UEVLD: variants seen among roughly 807,000 people sequenced by gnomAD.
The protein encoded by UEVLD is UEV and lactate/malate dehyrogenase domains.
UEVLD carries 47 observed loss-of-function variants against 58.6 expected under a neutral mutation model. The ratio of observed to expected loss-of-function variants is 0.80; its 90% CI spans 0.63 to 1.02. The LOEUF (loss-of-function observed/expected upper bound fraction) is 1.02. Among genes scored for constraint, UEVLD ranks in the 50% least tolerant of loss-of-function variants. The pLI, the probability that UEVLD is intolerant of heterozygous loss-of-function variation, is 0.00. For synonymous variants in UEVLD, 197 were observed against 195.3 expected (o/e 1.01, Z -0.07); for missense variants, 510 against 550.6 (o/e 0.93, Z 0.74).
At position 18,560,136 on chromosome 11, in the gene UEVLD, CACAGAG is replaced by C. The variant is rs1259571813; in HGVS notation, c.613-1812_613-1807del. On this transcript the variant is annotated intron_variant, in intron 6 of 11. Coordinates refer to ENST00000396197, the MANE Select transcript of UEVLD (RefSeq NM_001040697.4). Reference sequence around the variant, plus strand: ...ACACACACACACACACACACACACACACAGAGAGAGAAAGAAAATAACCCTGCTACA... The same window carrying C: ...ACACACACACACACACACACACACACAGAGAAAGAAAATAACCCTGCTACA... 1.9e-3 allele frequency among the ~76,000 whole-genome samples: 154 copies of C among 79,450 alleles called. 3 individuals carry two copies. Among genetic ancestry groups the C allele is most frequent in the Admixed American group, 9.8e-3 (67 of 6,852 alleles). 52.1% of individuals were successfully genotyped at this position (79,450 alleles called of 152,430 possible).
Position 18,558,331 on chromosome 11 carries a change from C to G in UEVLD, c.613-1G>C. 1.3e-6 allele frequency: 2 copies of G among 1,595,530 alleles called. No homozygotes were observed. Among genetic ancestry groups the G allele is most frequent in the Non-Finnish European group, 1.7e-6 (2 of 1,169,414 alleles). On this transcript the variant is annotated splice_acceptor_variant, in intron 6 of 11. Transcript: ENST00000396197. LOFTEE classifies it high-confidence loss of function. Reference sequence around the variant, plus strand: ...AGAGGACAAGCCTGTCTGCAATACCCTGTACAGTAAGAGAAAGAACATTAC... The same window carrying G: ...AGAGGACAAGCCTGTCTGCAATACCGTGTACAGTAAGAGAAAGAACATTAC...
At chr11:18,573,425 C>T (rs372507991) in intron 3 of UEVLD, among the ~76,000 whole-genome samples, 2 of 152,110 alleles carry the variant, frequency 1.3e-5, no homozygotes, top group African/African-American at 4.8e-5. Context: ...TTCTTTTCAA[C>T]GTCTAACCAA....
chr11:18,547,115 T>A, intron 7 of UEVLD, 65 bp from the exon 8 acceptor site: 1 of 1,516,642 alleles, frequency 6.6e-7, no homozygotes, highest in Non-Finnish European at 8.9e-7. Flanking sequence ...TAGTTCACGA[T>A]TAAAAGGTTG....
At chr11:18,553,108 T>C (rs990342155) in intron 7 of UEVLD, among the ~76,000 whole-genome samples, 1 of 137,922 alleles carries the variant, frequency 7.3e-6, no homozygotes, top group African/African-American at 2.8e-5. Context: ...TGAGTCGAGA[T>C]AGCGCCATTG....
In UEVLD at chr11:18,564,917, G is replaced by A; in HGVS notation, c.587C>T (p.Ala196Val). ...TVVGGGELGIACTLAISAKGI... is the reference protein window; with the variant it reads ...TVVGGGELGIVCTLAISAKGI... ...CTTTGCTGAAATTGCTAATGTGCAGGCAATACCGAGTTCTCCACCTCCAAC... is the reference window on the plus strand; with the variant it reads ...CTTTGCTGAAATTGCTAATGTGCAGACAATACCGAGTTCTCCACCTCCAAC... The change falls in exon 6 of 12, where the codon GCC becomes GTC. Residue 196 changes from alanine to valine, a missense_variant. Coordinates refer to ENST00000396197, the MANE Select transcript of UEVLD (RefSeq NM_001040697.4). The A allele has an allele frequency of 1.9e-6, 3 of 1,611,812 alleles. No homozygotes were observed. Among genetic ancestry groups the A allele is most frequent in the Non-Finnish European group, 2.5e-6 (3 of 1,178,718 alleles).
At chr11:18,570,754 A>G (rs903008404) in intron 3 of UEVLD, 2 of 153,242 alleles carry the variant, frequency 1.3e-5, no homozygotes, top group African/African-American at 4.8e-5. Flanking sequence ...TCAAAAAAAA[A>G]AAAAAAAAAA....
chr11:18,578,046 G>C lies in UEVLD; in HGVS notation c.127+678C>G, dbSNP rs1218672630. On this transcript the variant is annotated intron_variant, in intron 2 of 11. Transcript: ENST00000396197. ...TTAAAGATGTCCATATCTAACCCTT[G>C]GAACCTGTGAATATGTCACCTTACT... 2.0e-5 allele frequency among the ~76,000 whole-genome samples: 3 copies of C among 152,000 alleles called. No individual in the cohort carries two copies. In the East Asian group the frequency reaches 5.8e-4, roughly 29 times the overall value.
At chr11:18,560,148 A>ACACACACAC (rs1205721787) in intron 6 of UEVLD, among the ~76,000 whole-genome samples, 3 of 54,148 alleles carry the variant, frequency 5.5e-5, no homozygotes, top group Non-Finnish European at 1.0e-4. Context: ...CAGAGAGAGA[A>ACACACACAC]AGAAAATAAC....
chr11:18,560,120 CACACACACACACACACACAGAG>C lies in UEVLD; in HGVS notation c.613-1812_613-1791del, dbSNP rs531184028. ...ACACACACACACACACACACACACA[CACACACACACACACACACAGAG>C]AGAGAAAGAAAATAACCCTGCTACA... On this transcript the variant is annotated intron_variant, in intron 6 of 11. Coordinates refer to ENST00000396197, the MANE Select transcript of UEVLD (RefSeq NM_001040697.4). Among the ~76,000 whole-genome samples, 407 of 97,562 alleles carry C rather than the reference CACACACACACACACACACAGAG, an allele frequency of 4.2e-3. 2 individuals are homozygous for C. The highest frequency in any genetic ancestry group is 9.4e-3 in the East Asian group (22 of 2,336). 64.0% of individuals were successfully genotyped at this position (97,562 alleles called of 152,430 possible). A position where few individuals can be genotyped will look rare whatever the true frequency, so the allele number is the denominator to read the frequency against.
intron 8 of UEVLD, 96 bp from the exon 9 acceptor site, chr11:18,544,892 G>T: frequency 1.2e-6 from 1 of 848,096 alleles, no homozygotes. Context: ...AGTATATTAG[G>T]TCCTCAATGC....
intron 10 of UEVLD, among the ~76,000 whole-genome samples, chr11:18,536,073 G>A (rs929876430): frequency 6.6e-6 from 1 of 152,226 alleles, no homozygotes; most frequent in Non-Finnish European, 1.5e-5. Context: ...GGCGGAGGCT[G>A]CAGTGAGCCG....
At chr11:18,553,005 G>A (rs867994828) in intron 7 of UEVLD, among the ~76,000 whole-genome samples, 9 of 151,488 alleles carry the variant, frequency 5.9e-5, no homozygotes, top group Middle Eastern at 3.4e-3. Flanking sequence ...AATACAAAAA[G>A]TTAGCCAGGC....
At chr11:18,570,417 A>G (rs772965443) in intron 3 of UEVLD, 40 bp from the exon 4 acceptor site, 1 of 1,480,586 alleles carries the variant, frequency 6.8e-7, no homozygotes, top group East Asian at 2.5e-5. Flanking sequence ...AACAATAATA[A>G]AGCACACACA....
At chr11:18,572,991 C>T (rs955230439) in intron 3 of UEVLD, among the ~76,000 whole-genome samples, 5 of 152,106 alleles carry the variant, frequency 3.3e-5, no homozygotes, top group African/African-American at 1.2e-4. Flanking sequence ...ACATTCTGAC[C>T]TTCTGATCAG....
intron 9 of UEVLD, chr11:18,539,131 A>T: frequency 7.5e-6 from 1 of 133,570 alleles, no homozygotes; most frequent in Admixed American, 8.0e-5. Flanking sequence ...GCTGGAGTGC[A>T]GTGGTGCAAT....
chr11:18,571,037 C>A (rs1852582595), intron 3 of UEVLD, among the ~76,000 whole-genome samples: 1 of 151,772 alleles, frequency 6.6e-6, no homozygotes, highest in African/African-American at 2.4e-5. Flanking sequence ...TTAATCACTA[C>A]ACATTAAAGA....
intron 3 of UEVLD, 48 bp downstream of exon 3, chr11:18,575,299 A>T: frequency 6.4e-7 from 1 of 1,560,566 alleles, no homozygotes. Context: ...TTATTAAATG[A>T]ACTGCTCTTT....
At chr11:18,567,445 T>C (rs2134028153) in intron 4 of UEVLD, among the ~76,000 whole-genome samples, 1 of 152,318 alleles carries the variant, frequency 6.6e-6, no homozygotes, top group East Asian at 1.9e-4. Context: ...TCACTATTTA[T>C]AAAGTAAGAA....
In UEVLD at chr11:18,579,493, G is replaced by A. The variant is rs79774502; in HGVS notation, c.43-685C>T. 904 of 985,350 alleles carry A rather than the reference G, an allele frequency of 9.2e-4. 9 individuals are homozygous for A. The African/African-American group carries it at 0.014, about 16-fold the overall frequency. The allele number at this position is 985,350 out of a possible 1,614,324, so 61.0% of individuals were successfully genotyped here. A position where few individuals can be genotyped will look rare whatever the true frequency, so the allele number is the denominator to read the frequency against. Reference sequence around the variant, plus strand: ...TCTCACCACTATGCAGGATCCAACCGTCTTTTTGGCACGGCTCATTCACTT... The same window carrying A: ...TCTCACCACTATGCAGGATCCAACCATCTTTTTGGCACGGCTCATTCACTT... On this transcript the variant is annotated intron_variant, in intron 1 of 11. Coordinates refer to ENST00000396197, the MANE Select transcript of UEVLD (RefSeq NM_001040697.4).
Sources: allele counts gnomAD v4.1 joint callset (sites outside exome capture counted in the v4.1 genomes callset), GRCh38; gene constraint gnomAD v4.1.1; transcripts MANE v1.5; gene names NCBI Gene and HGNC (gene_info 2026-07-23, HGNC 2026-07-21).